The following CNTNAP5 variants were observed in gnomAD, a reference collection of about 807,000 sequenced individuals.
CNTNAP5 encodes contactin associated protein family member 5.
A neutral mutation model predicts 150.2 loss-of-function variants in CNTNAP5; 72 were observed. The ratio of observed to expected loss-of-function variants is 0.48; its 90% CI spans 0.40 to 0.58. The LOEUF (loss-of-function observed/expected upper bound fraction) is 0.58, where lower values mean the gene tolerates loss of function less well. Among genes scored for constraint, CNTNAP5 ranks in the 20% least tolerant of loss-of-function variants. The pLI, the probability that CNTNAP5 is intolerant of heterozygous loss-of-function variation, is 0.00. For missense variants in CNTNAP5, 1,636 were observed against 1,626.2 expected, an observed-to-expected ratio of 1.01 and a Z score of -0.10; for synonymous variants, 672 against 619.8, an observed-to-expected ratio of 1.08 and a Z score of -1.25.
intron 19 of CNTNAP5, among the ~76,000 whole-genome samples, chr2:124,825,704 T>G (rs536538050): frequency 2.0e-5 from 3 of 152,306 alleles, no homozygotes; most frequent in African/African-American, 7.2e-5. Context: ...AAGTCTCTTT[T>G]TATTCTGGAA....
intron 3 of CNTNAP5, among the ~76,000 whole-genome samples, chr2:124,347,937 G>C (rs1383852862): frequency 6.6e-6 from 1 of 151,432 alleles, no homozygotes; most frequent in African/African-American, 2.4e-5. Flanking sequence ...CCATTCTTCT[G>C]CCTCAGCCTC....
rs543665499 is a variant in CNTNAP5 at position 124,095,477 on chromosome 2, A to G, written c.82+69745A>G. Among the ~76,000 whole-genome samples, 229 of 152,224 alleles carry G rather than the reference A, an allele frequency of 1.5e-3. 1 individual carries two copies. The highest frequency in any genetic ancestry group is 5.4e-3 in the Admixed American group (83 of 15,280). ...GTATACCTATGTAACAAAGCTGCACATTCTGCACATGTATCCCAGAACTTA... is the reference window on the plus strand; with the variant it reads ...GTATACCTATGTAACAAAGCTGCACGTTCTGCACATGTATCCCAGAACTTA... On this transcript the variant is annotated intron_variant, in intron 1 of 23. Transcript: ENST00000682447.
intron 11 of CNTNAP5, among the ~76,000 whole-genome samples, chr2:124,572,362 C>T (rs1194695067): frequency 6.6e-6 from 1 of 152,096 alleles, no homozygotes; most frequent in Non-Finnish European, 1.5e-5. Flanking sequence ...GTATTGGTTA[C>T]TGGGCTTAAT....
intron 3 of CNTNAP5, among the ~76,000 whole-genome samples, chr2:124,324,230 G>C (rs907487610): frequency 1.2e-4 from 18 of 152,154 alleles, no homozygotes; most frequent in African/African-American, 3.6e-4. Flanking sequence ...TCTGGTGGCA[G>C]TTCTATTTCA....
At chr2:124,725,791 C>G (rs1027770162) in intron 13 of CNTNAP5, among the ~76,000 whole-genome samples, 7 of 151,970 alleles carry the variant, frequency 4.6e-5, no homozygotes, top group Non-Finnish European at 1.0e-4. Context: ...TTAGGTTCCT[C>G]ATGTAAGTGA....
intron 18 of CNTNAP5, among the ~76,000 whole-genome samples, chr2:124,796,508 T>A (rs1558779197): frequency 6.6e-6 from 1 of 152,218 alleles, no homozygotes; most frequent in Non-Finnish European, 1.5e-5. Context: ...GTACCAAGGT[T>A]GTAACCTGCA....
intron 12 of CNTNAP5, among the ~76,000 whole-genome samples, chr2:124,625,726 G>A (rs951836433): frequency 6.6e-6 from 1 of 152,108 alleles, no homozygotes; most frequent in Admixed American, 6.5e-5. Context: ...CTCATTTTTG[G>A]CATCAGGGGA....
intron 21 of CNTNAP5, among the ~76,000 whole-genome samples, chr2:124,874,080 C>T (rs931487552): frequency 6.6e-6 from 1 of 151,892 alleles, no homozygotes; most frequent in African/African-American, 2.4e-5. Flanking sequence ...TAGATACTGG[C>T]CCATGAAAAA....
rs1681239527 is a variant in CNTNAP5 at position 124,773,018 on chromosome 2, G to A, written c.2752+1G>A. On this transcript the variant is annotated splice_donor_variant, in intron 17 of 23. Coordinates refer to ENST00000682447, the MANE Select transcript of CNTNAP5 (RefSeq NM_001367498.1). LOFTEE classifies it high-confidence loss of function. ...CAGCTGAACAGCCAGTTGTTTGTAG[G>A]TAGGGGACATCTTAAGGCTCCTTTT... 1 of 1,611,874 alleles carries A rather than the reference G, an allele frequency of 6.2e-7. No homozygotes were observed. The highest frequency in any genetic ancestry group is 8.5e-7 in the Non-Finnish European group (1 of 1,179,048).
chr2:124,434,465 G>T lies in CNTNAP5; in HGVS notation c.530-19G>T, dbSNP rs147052115. On this transcript the variant is annotated intron_variant, in intron 4 of 23. Transcript: ENST00000682447. ...GAATATGCACTAATTTTTCTTTCCC[G>T]CTCCTTCTTTGTTCCCAGAATCAGA... The T allele has an allele frequency of 6.2e-7, 1 of 1,600,768 alleles. No individual in the cohort carries two copies. Among genetic ancestry groups the T allele is most frequent in the Middle Eastern group, 1.7e-4 (1 of 6,026 alleles).
intron 17 of CNTNAP5, among the ~76,000 whole-genome samples, chr2:124,775,459 A>G (rs1337017093): frequency 6.6e-6 from 1 of 152,102 alleles, no homozygotes; most frequent in Non-Finnish European, 1.5e-5. Flanking sequence ...GTCTGTCTAG[A>G]TATCTTTGGC....
intron 3 of CNTNAP5, among the ~76,000 whole-genome samples, chr2:124,343,970 C>G (rs1438396033): frequency 6.6e-6 from 1 of 152,078 alleles, no homozygotes; most frequent in Non-Finnish European, 1.5e-5. Flanking sequence ...CTAACCGGTT[C>G]TTGTTGAAAC....
intron 4 of CNTNAP5, among the ~76,000 whole-genome samples, chr2:124,420,535 T>C (rs1573983586): frequency 6.6e-6 from 1 of 152,238 alleles, no homozygotes; most frequent in East Asian, 1.9e-4. Context: ...CTTGGCCTTT[T>C]TATAGTCCCC....
intron 11 of CNTNAP5, among the ~76,000 whole-genome samples, chr2:124,567,476 A>G (rs1195490631): frequency 6.6e-6 from 1 of 152,214 alleles, no homozygotes; most frequent in Non-Finnish European, 1.5e-5. Context: ...GAGGAAACCT[A>G]CCTCATAAAG....
chr2:124,913,984 T>A, intron 23 of CNTNAP5, 108 bp from the exon 24 acceptor site: 1 of 700,550 alleles, frequency 1.4e-6, no homozygotes, highest in African/African-American at 1.8e-5. Context: ...TGATTTGTTT[T>A]GTTTTGCTTT....
chr2:124,773,414 T>C (rs1176971492), intron 17 of CNTNAP5, among the ~76,000 whole-genome samples: 1 of 152,170 alleles, frequency 6.6e-6, no homozygotes, highest in Admixed American at 6.5e-5. Context: ...CCAGTCCTGA[T>C]AATTACAGAT....
chr2:124,629,943 A>AAAAAAAAAC, intron 12 of CNTNAP5, among the ~76,000 whole-genome samples: 1 of 149,956 alleles, frequency 6.7e-6, no homozygotes, highest in African/African-American at 2.4e-5. Context: ...ATGCAAAAAA[A>AAAAAAAAAC]AAAAAAAAAA....
At chr2:124,497,380 C>A (rs929635806) in intron 7 of CNTNAP5, among the ~76,000 whole-genome samples, 1 of 152,136 alleles carries the variant, frequency 6.6e-6, no homozygotes, top group African/African-American at 2.4e-5. Context: ...AACCTATTGT[C>A]TATGCAGCCA....
intron 11 of CNTNAP5, among the ~76,000 whole-genome samples, chr2:124,588,177 C>CTTCTTTCTTTAT (rs1696591484): frequency 2.7e-5 from 3 of 110,928 alleles, no homozygotes; most frequent in South Asian, 3.2e-4. Flanking sequence ...TCCTTCCTTC[C>CTTCTTTCTTTAT]TTCTTTCTTT....
Sources: allele counts gnomAD v4.1 joint callset (sites outside exome capture counted in the v4.1 genomes callset), GRCh38; gene constraint gnomAD v4.1.1; transcripts MANE v1.5; gene names NCBI Gene and HGNC (gene_info 2026-07-23, HGNC 2026-07-21).